AGFG1: variants seen among roughly 807,000 people sequenced by gnomAD.
The protein encoded by AGFG1 is arf-GAP domain and FG repeat-containing protein 1.
AGFG1 carries 10 observed loss-of-function variants against 60.6 expected under a neutral mutation model. That is an observed-to-expected ratio of 0.16 (90% CI 0.10 to 0.28). The LOEUF (loss-of-function observed/expected upper bound fraction) is 0.28, where lower values mean the gene tolerates loss of function less well. Among genes scored for constraint, AGFG1 ranks in the 10% least tolerant of loss-of-function variants. AGFG1 has a pLI of 1.00. For missense variants in AGFG1, 537 were observed against 676.5 expected, an observed-to-expected ratio of 0.79 and a Z score of 2.29; for synonymous variants, 247 against 242.9, an observed-to-expected ratio of 1.02 and a Z score of -0.16.
At chr2:227,553,925 A>G in intron 12 of AGFG1, 130 bp downstream of exon 12, 1 of 639,842 alleles carries the variant, frequency 1.6e-6, no homozygotes, top group Non-Finnish European at 2.6e-6. Context: ...ATAAGATTGT[A>G]CAAATTGACA....
chr2:227,549,667 T>G lies in AGFG1; in HGVS notation c.1379-2292T>G, dbSNP rs541057762. ...CATGCACTCTCTCCCAAGACTTGGT[T>G]TTGATCCTAAATGTAGATGCTGGAT... On this transcript the variant is annotated intron_variant, in intron 10 of 12. Transcript: ENST00000310078. 1.1e-4 allele frequency among the ~76,000 whole-genome samples: 17 copies of G among 152,364 alleles called. No homozygotes were observed. The East Asian group carries it at 3.3e-3, about 29-fold the overall frequency.
In AGFG1 at chr2:227,536,694, T is replaced by A; in HGVS notation, c.1275T>A (p.Ala425=). ...QTQPASSSVP[A]PFGATPSTNP... is the part of the protein sequence containing the mutation. ...AGCCTGCTTCATCAAGTGTGCCTGC[T>A]CCATTTGGAGGTATGTGCTTCTGGT... is the stretch of plus-strand genomic sequence containing the variant. Residue 425 remains alanine, a synonymous_variant, in exon 9 of 13, where the codon GCT becomes GCA. Transcript: ENST00000310078. 1 of 1,613,916 alleles carries A rather than the reference T, an allele frequency of 6.2e-7. No individual in the cohort carries two copies. The highest frequency in any genetic ancestry group is 8.5e-7 in the Non-Finnish European group (1 of 1,179,866).
chr2:227,544,027 G>T (rs1692569084), intron 10 of AGFG1, among the ~76,000 whole-genome samples: 1 of 151,440 alleles, frequency 6.6e-6, no homozygotes, highest in African/African-American at 2.4e-5. Flanking sequence ...CTATTTGCTT[G>T]GTAGATCTTC....
chr2:227,546,134 G>T (rs1692639038), intron 10 of AGFG1, among the ~76,000 whole-genome samples: 1 of 152,210 alleles, frequency 6.6e-6, no homozygotes. Context: ...GCTGCAGTGG[G>T]TTCCACCTAG....
At chr2:227,502,291 A>G (rs1455867855) in intron 2 of AGFG1, among the ~76,000 whole-genome samples, 1 of 152,020 alleles carries the variant, frequency 6.6e-6, no homozygotes, top group Non-Finnish European at 1.5e-5. Context: ...TCCTTAGTAA[A>G]TATTTTCTCC....
intron 1 of AGFG1, among the ~76,000 whole-genome samples, chr2:227,473,727 A>G (rs1690194415): frequency 6.6e-6 from 1 of 152,242 alleles, no homozygotes; most frequent in South Asian, 2.1e-4. Context: ...TACAAAGCAC[A>G]TAATACTTTA....
intron 1 of AGFG1, among the ~76,000 whole-genome samples, chr2:227,475,857 T>A (rs766093836): frequency 2.0e-5 from 3 of 152,230 alleles, no homozygotes; most frequent in Non-Finnish European, 2.9e-5. Flanking sequence ...GCACTGGAGT[T>A]ACAAATATTG....
At chr2:227,539,959 C>T (rs1249300075) in intron 10 of AGFG1, among the ~76,000 whole-genome samples, 1 of 152,022 alleles carries the variant, frequency 6.6e-6, no homozygotes, top group African/African-American at 2.4e-5. Flanking sequence ...ACTCAGCCTC[C>T]TGAGTAGCTG....
intron 1 of AGFG1, among the ~76,000 whole-genome samples, chr2:227,483,909 G>A (rs900518675): frequency 2.0e-5 from 3 of 151,954 alleles, no homozygotes; most frequent in African/African-American, 7.2e-5. Flanking sequence ...TTTACTTGTG[G>A]AATTCCGTTT....
intron 2 of AGFG1, among the ~76,000 whole-genome samples, chr2:227,495,941 A>G (rs1426344799): frequency 6.6e-6 from 1 of 151,310 alleles, no homozygotes; most frequent in African/African-American, 2.4e-5. Flanking sequence ...TGTCTCTACT[A>G]AAAATATATA....
chr2:227,487,898 A>T (rs576578967), intron 1 of AGFG1, among the ~76,000 whole-genome samples: 1 of 152,384 alleles, frequency 6.6e-6, no homozygotes, highest in African/African-American at 2.4e-5. Context: ...AGGCTAAAAA[A>T]TGAAAAATCC....
chr2:227,498,864 C>T (rs1487927486), intron 2 of AGFG1, among the ~76,000 whole-genome samples: 5 of 152,284 alleles, frequency 3.3e-5, no homozygotes, highest in African/African-American at 1.2e-4. Flanking sequence ...ATTCTAGCTT[C>T]CTGTAATCTC....
intron 6 of AGFG1, among the ~76,000 whole-genome samples, chr2:227,533,285 A>AC (rs34874642): frequency 0.66 from 100,091 of 151,910 alleles, 32,935 homozygotes; most frequent in South Asian, 0.75. Context: ...GTGTGGAGAT[A>AC]CCCCTCCATG....
intron 10 of AGFG1, among the ~76,000 whole-genome samples, chr2:227,538,235 CAAAT>C (rs1231849775): frequency 2.0e-5 from 3 of 152,094 alleles, no homozygotes; most frequent in Non-Finnish European, 2.9e-5. Flanking sequence ...CAGCTGTCAT[CAAAT>C]AAATATTTTA....
chr2:227,523,449 T>G (rs970532501), intron 3 of AGFG1, among the ~76,000 whole-genome samples: 4 of 152,204 alleles, frequency 2.6e-5, no homozygotes, highest in African/African-American at 9.6e-5. Context: ...GATGACTAAT[T>G]GTAGGTCCTC....
At chr2:227,518,675 C>T (rs937143210) in intron 2 of AGFG1, among the ~76,000 whole-genome samples, 1 of 151,948 alleles carries the variant, frequency 6.6e-6, no homozygotes, top group African/African-American at 2.4e-5. Flanking sequence ...AGGCATGCAC[C>T]ACTACGCCTG....
chr2:227,486,847 A>G (rs1690655410), intron 1 of AGFG1, among the ~76,000 whole-genome samples: 1 of 152,184 alleles, frequency 6.6e-6, no homozygotes, highest in South Asian at 2.1e-4. Flanking sequence ...AGTGTCTGGA[A>G]ACATTTTTGA....
At chr2:227,536,267 C>G (rs900238955) in intron 8 of AGFG1, among the ~76,000 whole-genome samples, 6 of 147,626 alleles carry the variant, frequency 4.1e-5, no homozygotes, top group Admixed American at 2.1e-4. Flanking sequence ...TGAAAACATG[C>G]AGTGTTTGGT....
At position 227,549,515 on chromosome 2, in the gene AGFG1, G is replaced by A. The variant is rs557975215; in HGVS notation, c.1379-2444G>A. On this transcript the variant is annotated intron_variant, in intron 10 of 12. Transcript: ENST00000310078. ...CATTGTATTTTAACCTGTAAATACC[G>A]CTTACCTTTCTCTTGAACTAGAATA... is the stretch of plus-strand genomic sequence containing the variant. Among the ~76,000 whole-genome samples, 8 of 151,848 alleles carry A rather than the reference G, an allele frequency of 5.3e-5. No homozygotes were observed. In the South Asian group the frequency reaches 8.3e-4, roughly 16 times the overall value.
Sources: allele counts gnomAD v4.1 joint callset (sites outside exome capture counted in the v4.1 genomes callset), GRCh38; gene constraint gnomAD v4.1.1; transcripts MANE v1.5; gene names NCBI Gene and HGNC (gene_info 2026-07-23, HGNC 2026-07-21).